The following CNTN4 variants were observed in gnomAD, a reference collection of about 807,000 sequenced individuals.
CNTN4 encodes contactin-4.
A neutral mutation model predicts 122.5 loss-of-function variants in CNTN4; 77 were observed. The observed-to-expected ratio is 0.63, with a 90% CI of 0.52 to 0.76. The LOEUF (loss-of-function observed/expected upper bound fraction) is 0.76, where lower values mean the gene tolerates loss of function less well. Among genes scored for constraint, CNTN4 ranks in the 30% least tolerant of loss-of-function variants. The pLI, the probability that CNTN4 is intolerant of heterozygous loss-of-function variation, is 0.00. For missense variants in CNTN4, 1,256 were observed against 1,259.1 expected (o/e 1.00, Z 0.04); for synonymous variants, 512 against 447.0 (o/e 1.15, Z -1.83).
chr3:2,370,902 A>G (rs2045608347), intron 3 of CNTN4, among the ~76,000 whole-genome samples: 1 of 152,190 alleles, frequency 6.6e-6, no homozygotes, highest in Admixed American at 6.5e-5. Context: ...CAATCTATTG[A>G]TAGTGTTAAG....
At chr3:2,586,255 A>G (rs1210863802) in intron 4 of CNTN4, among the ~76,000 whole-genome samples, 1 of 151,916 alleles carries the variant, frequency 6.6e-6, no homozygotes, top group Non-Finnish European at 1.5e-5. Context: ...AACATTCTCC[A>G]TTTTTGTTGT....
intron 2 of CNTN4, among the ~76,000 whole-genome samples, chr3:2,302,360 GGA>G (rs1559432679): frequency 1.3e-5 from 2 of 152,124 alleles, no homozygotes; most frequent in African/African-American, 2.4e-5. Flanking sequence ...CCCAGGAGGT[GGA>G]GTTTACAGTG....
At chr3:2,181,981 C>A (rs540701134) in intron 2 of CNTN4, among the ~76,000 whole-genome samples, 81 of 152,178 alleles carry the variant, frequency 5.3e-4, no homozygotes, top group African/African-American at 1.8e-3. Flanking sequence ...CTAGGCATTT[C>A]CAGTAAGCAC....
chr3:2,268,858 A>T (rs1276106521), intron 2 of CNTN4, among the ~76,000 whole-genome samples: 1 of 152,036 alleles, frequency 6.6e-6, no homozygotes, highest in African/African-American at 2.4e-5. Flanking sequence ...TCACTCTTGA[A>T]CTCTTGTCTA....
intron 3 of CNTN4, among the ~76,000 whole-genome samples, chr3:2,437,990 A>G (rs2048313705): frequency 6.6e-6 from 1 of 152,168 alleles, no homozygotes; most frequent in Non-Finnish European, 1.5e-5. Flanking sequence ...TTGGTACTGC[A>G]TTATATTTTA....
intron 3 of CNTN4, among the ~76,000 whole-genome samples, chr3:2,557,109 T>A (rs1682068879): frequency 6.6e-6 from 1 of 152,232 alleles, no homozygotes; most frequent in Non-Finnish European, 1.5e-5. Flanking sequence ...TATCACTAAT[T>A]AGGATTCTAT....
chr3:2,268,971 C>T (rs1024490251), intron 2 of CNTN4, among the ~76,000 whole-genome samples: 1 of 152,026 alleles, frequency 6.6e-6, no homozygotes. Context: ...CTCTGCCGAT[C>T]CACAAGGTGG....
chr3:2,950,599 G>T (rs892938707), intron 13 of CNTN4, among the ~76,000 whole-genome samples: 1 of 152,188 alleles, frequency 6.6e-6, no homozygotes, highest in African/African-American at 2.4e-5. Context: ...GGTGCGCATT[G>T]CCCAGATGGT....
chr3:2,911,307 C>G (rs1577240316), intron 12 of CNTN4, among the ~76,000 whole-genome samples: 2 of 152,124 alleles, frequency 1.3e-5, no homozygotes, highest in African/African-American at 4.8e-5. Flanking sequence ...AGAAAGTCCA[C>G]AGTACCTGAT....
intron 6 of CNTN4, among the ~76,000 whole-genome samples, chr3:2,794,265 G>A (rs1451285645): frequency 1.3e-5 from 2 of 152,176 alleles, no homozygotes; most frequent in Non-Finnish European, 2.9e-5. Context: ...CTTACAGGCA[G>A]GAAGCTCTGC....
chr3:2,773,241 T>C (rs976968887), intron 6 of CNTN4, among the ~76,000 whole-genome samples: 1 of 151,932 alleles, frequency 6.6e-6, no homozygotes, highest in Non-Finnish European at 1.5e-5. Context: ...GTCAAAGAAG[T>C]GTTGCTTTAT....
intron 2 of CNTN4, among the ~76,000 whole-genome samples, chr3:2,317,257 A>T (rs931178670): frequency 6.6e-6 from 1 of 152,232 alleles, no homozygotes; most frequent in Non-Finnish European, 1.5e-5. Flanking sequence ...GAATTCAATT[A>T]ACAGTGGTAC....
At position 2,375,950 on chromosome 3, in the gene CNTN4, G is replaced by A. The variant is rs558805507; in HGVS notation, c.-89+36717G>A. On this transcript the variant is annotated intron_variant, in intron 3 of 24. Coordinates refer to ENST00000418658, the MANE Select transcript of CNTN4 (RefSeq NM_175607.3). Reference sequence around the variant, plus strand: ...AAAAAAAAAGAGAAAACCCTCTGCTGTTCTCTTTCAGCTTAATGGTTGATA... The same window carrying A: ...AAAAAAAAAGAGAAAACCCTCTGCTATTCTCTTTCAGCTTAATGGTTGATA... Among the ~76,000 whole-genome samples the A allele has an allele frequency of 1.4e-4, 21 of 151,860 alleles. No individual in the cohort carries two copies. The South Asian group carries it at 3.1e-3, about 23-fold the overall frequency.
chr3:2,172,214 C>G (rs534223037), intron 2 of CNTN4, among the ~76,000 whole-genome samples: 1 of 152,058 alleles, frequency 6.6e-6, no homozygotes, highest in Admixed American at 6.6e-5. Context: ...TGGAATACTA[C>G]TCAGCCATAA....
At chr3:2,505,963 C>A (rs908240907) in intron 3 of CNTN4, among the ~76,000 whole-genome samples, 8 of 151,956 alleles carry the variant, frequency 5.3e-5, no homozygotes, top group African/African-American at 1.9e-4. Context: ...CCTCTTTTCA[C>A]TCCATAAAAT....
At chr3:2,402,418 A>G (rs1181407041) in intron 3 of CNTN4, among the ~76,000 whole-genome samples, 2 of 152,124 alleles carry the variant, frequency 1.3e-5, no homozygotes, top group Admixed American at 1.3e-4. Context: ...TTTAAGTATT[A>G]TGAATTCATA....
intron 13 of CNTN4, among the ~76,000 whole-genome samples, chr3:2,950,246 T>C (rs982614372): frequency 1.3e-5 from 2 of 152,038 alleles, no homozygotes; most frequent in Non-Finnish European, 1.5e-5. Flanking sequence ...GACATGGGAG[T>C]TGCTGAAATT....
rs767080189 is a variant in CNTN4, at chr3:3,037,167, G to A, written c.1943-12G>A. 8 of 1,614,096 alleles carry A rather than the reference G, an allele frequency of 5.0e-6. No individual in the cohort carries two copies. The South Asian group carries it at 8.8e-5, about 18-fold the overall frequency. ...ACCTATGAAACAGCCCCCACCTTTT[G>A]TTGTCTTTCAGTCCCAGAACTCATT... On this transcript the variant is annotated splice_polypyrimidine_tract_variant and intron_variant, in intron 17 of 24. Coordinates refer to ENST00000418658, the MANE Select transcript of CNTN4 (RefSeq NM_175607.3).
rs150587795 is a variant in CNTN4, at chr3:2,804,303, C to G, written c.359-15183C>G. ...TGTTTTCTTTGTTTGCCTAATATGT[C>G]ACACAATAAAAAATTTAAAATGAGG... On this transcript the variant is annotated intron_variant, in intron 6 of 24. Transcript: ENST00000418658. Among the ~76,000 whole-genome samples, 732 of 152,134 alleles carry G rather than the reference C, an allele frequency of 4.8e-3. 6 individuals are homozygous for G. The highest frequency in any genetic ancestry group is 0.017 in the African/African-American group (700 of 41,502).
Sources: gnomAD v4.1 joint callset for allele counts (sites outside exome capture counted in the v4.1 genomes callset) on GRCh38, gnomAD v4.1.1 for gene constraint, MANE v1.5 for transcripts, NCBI Gene and HGNC (gene_info 2026-07-23, HGNC 2026-07-21) for gene names.